FDFT1: variants seen among roughly 807,000 people sequenced by gnomAD.
FDFT1 encodes the protein squalene synthase.
FDFT1 carries 68 observed loss-of-function variants against 46.8 expected under a neutral mutation model. That is an observed-to-expected ratio of 1.45 (90% confidence interval 1.19 to 1.78). FDFT1 has a LOEUF of 1.78. Among genes scored for constraint, FDFT1 ranks in the 40% most tolerant of loss-of-function variants. The pLI is 0.00. For synonymous variants in FDFT1, 351 were observed against 185.1 expected, an observed-to-expected ratio of 1.90 and a Z score of -7.28; for missense variants, 928 against 524.4, an observed-to-expected ratio of 1.77 and a Z score of -7.52.
At chr8:11,810,696 C>G (rs1060692) in intron 3 of FDFT1, among the ~76,000 whole-genome samples, 2 of 152,100 alleles carry the variant, frequency 1.3e-5, no homozygotes, top group East Asian at 1.9e-4. Flanking sequence ...TCTTATCACA[C>G]AAATAACTGA....
At position 11,830,275 on chromosome 8, in the gene FDFT1, A is replaced by G. The variant is rs768326489; in HGVS notation, c.734A>G (p.Asp245Gly). 3.3e-5 allele frequency: 54 copies of G among 1,613,830 alleles called. No individual in the cohort carries two copies. Among genetic ancestry groups the G allele is most frequent in the Non-Finnish European group, 4.1e-5 (48 of 1,179,918 alleles). ...VWSRYVKKLG[D>G]FAKPENIDLA... ...AGCAGGTATGTTAAGAAGTTAGGGGATTTTGCTAAGCCGGAGAATATTGAC... is the reference window on the plus strand; with the variant it reads ...AGCAGGTATGTTAAGAAGTTAGGGGGTTTTGCTAAGCCGGAGAATATTGAC... Residue 245 changes from aspartate (D) to glycine (G), a missense_variant, in exon 6 of 8, where the codon GAT becomes GGT. By Grantham distance (94) the Asp-to-Gly change is moderately conservative (BLOSUM62 -1). Transcript: ENST00000220584.
upstream of FDFT1, chr8:11,802,429 C>A: frequency 4.4e-6 from 2 of 459,144 alleles, no homozygotes; most frequent in South Asian, 3.1e-5. Context: ...ACCTCCAGTC[C>A]CCACAGCGTT....
intron 7 of FDFT1, among the ~76,000 whole-genome samples, chr8:11,835,945 C>T (rs527584304): frequency 8.5e-6 from 1 of 117,394 alleles, no homozygotes; most frequent in African/African-American, 3.1e-5. Context: ...ACCAGCCTGA[C>T]TTATGTGATG....
upstream of FDFT1, among the ~76,000 whole-genome samples, chr8:11,800,374 A>C (rs1380820489): frequency 1.3e-5 from 2 of 150,382 alleles, no homozygotes; most frequent in Non-Finnish European, 2.9e-5. Flanking sequence ...TTGCCATGGG[A>C]GTATACCAAA....
upstream of FDFT1, among the ~76,000 whole-genome samples, chr8:11,799,591 A>G (rs1805896963): frequency 6.6e-6 from 1 of 152,234 alleles, no homozygotes; most frequent in Non-Finnish European, 1.5e-5. Flanking sequence ...AGGGGGTACA[A>G]TGAGGGCTAT....
chr8:11,834,188 T>A (rs1811232642), intron 7 of FDFT1, among the ~76,000 whole-genome samples: 1 of 152,200 alleles, frequency 6.6e-6, no homozygotes, highest in Non-Finnish European at 1.5e-5. Flanking sequence ...CCAGAGGACC[T>A]CCTCATGCTT....
intron 1 of FDFT1, among the ~76,000 whole-genome samples, chr8:11,807,639 T>C (rs112713137): frequency 2.6e-4 from 39 of 152,380 alleles, no homozygotes; most frequent in African/African-American, 8.4e-4. Context: ...CTTTCTGATA[T>C]GCTTGCATTT....
At chr8:11,814,704 G>A (rs1808200356) in intron 3 of FDFT1, among the ~76,000 whole-genome samples, 1 of 152,088 alleles carries the variant, frequency 6.6e-6, no homozygotes, top group Admixed American at 6.6e-5. Context: ...AAAAGTATTG[G>A]GCAGCATGCC....
chr8:11,838,542 T>C lies in FDFT1; in HGVS notation c.1187T>C (p.Leu396Pro), dbSNP rs377634114. Residue 396 changes from leucine to proline, a missense_variant, in exon 8 of 8, where the codon CTG (leucine) becomes CCG (proline). Physicochemically the swap from Leu to Pro is moderately conservative, Grantham distance 98 (BLOSUM62 -3). Transcript: ENST00000220584. ...TCGTTTGTCATGCTTTTGGCTGCCC[T>C]GAGCTGGCAGTACCTGACCACTCTC... Reference protein sequence around the residue: ...YLSFVMLLAALSWQYLTTLSQ... With the variant: ...YLSFVMLLAAPSWQYLTTLSQ... 1.9e-6 allele frequency: 3 copies of C among 1,612,092 alleles called. No homozygotes were observed. Among genetic ancestry groups the C allele is most frequent in the Non-Finnish European group, 2.5e-6 (3 of 1,179,148 alleles).
intron 7 of FDFT1, among the ~76,000 whole-genome samples, chr8:11,833,386 A>C (rs1167549181): frequency 6.6e-6 from 1 of 152,216 alleles, no homozygotes; most frequent in Non-Finnish European, 1.5e-5. Context: ...ACCCTTTCTA[A>C]ATGGAATCCT....
chr8:11,797,251 C>A (rs997452555), upstream of FDFT1, among the ~76,000 whole-genome samples: 6 of 152,126 alleles, frequency 3.9e-5, no homozygotes, highest in African/African-American at 1.4e-4. Flanking sequence ...ATTTTGAGTT[C>A]CTTGGACTGC....
intron 3 of FDFT1, among the ~76,000 whole-genome samples, chr8:11,812,585 T>A (rs74882177): frequency 3.9e-5 from 6 of 152,340 alleles, no homozygotes; most frequent in East Asian, 3.9e-4. Flanking sequence ...AACCAGGTTG[T>A]TACAAAGATA....
chr8:11,820,773 C>CA (rs1429385558), intron 3 of FDFT1, among the ~76,000 whole-genome samples: 8 of 152,328 alleles, frequency 5.3e-5, no homozygotes, highest in African/African-American at 1.9e-4. Flanking sequence ...TACAGTCACT[C>CA]ACGCCTTTCC....
intron 7 of FDFT1, among the ~76,000 whole-genome samples, chr8:11,834,248 A>T (rs1358820546): frequency 1.3e-5 from 2 of 152,226 alleles, no homozygotes; most frequent in African/African-American, 2.4e-5. Flanking sequence ...CTTCACGAGC[A>T]GTTGGCCACA....
intron 3 of FDFT1, among the ~76,000 whole-genome samples, chr8:11,817,143 A>G (rs1040477875): frequency 6.6e-6 from 1 of 152,090 alleles, no homozygotes; most frequent in African/African-American, 2.4e-5. Flanking sequence ...GGTTTTTGTC[A>G]TAGGTTCTGT....
chr8:11,825,964 A>G (rs1351360183), intron 4 of FDFT1, 60 bp from the exon 5 acceptor site: 1 of 1,227,322 alleles, frequency 8.1e-7, no homozygotes, highest in Admixed American at 2.3e-5. Context: ...AATGATCTCT[A>G]GTGTGTCCAT....
intron 7 of FDFT1, among the ~76,000 whole-genome samples, chr8:11,832,900 G>A (rs900169565): frequency 1.3e-5 from 2 of 152,130 alleles, no homozygotes; most frequent in African/African-American, 2.4e-5. Context: ...TTGTGCATCC[G>A]TCTAGTCCCC....
intron 1 of FDFT1, among the ~76,000 whole-genome samples, chr8:11,807,248 C>G (rs866622485): frequency 3.3e-5 from 5 of 152,166 alleles, no homozygotes; most frequent in African/African-American, 7.2e-5. Context: ...AGCGATCCTC[C>G]CACCTCAGCC....
upstream of FDFT1, chr8:11,801,777 T>A (rs1024524446): frequency 1.1e-5 from 4 of 361,386 alleles, no homozygotes; most frequent in African/African-American, 2.2e-5. Flanking sequence ...CACTGCAAAC[T>A]CCGCTTCCCG....
Sources: allele counts gnomAD v4.1 joint callset (sites outside exome capture counted in the v4.1 genomes callset), GRCh38; gene constraint gnomAD v4.1.1; transcripts MANE v1.5; gene names NCBI Gene and HGNC (gene_info 2026-07-23, HGNC 2026-07-21).